The following SBF2 variants were observed in gnomAD, a reference collection of about 807,000 sequenced individuals.
SBF2 encodes SET binding factor 2, also known as myotubularin-related protein 13.
Under a neutral mutation model 225.2 loss-of-function variants are expected in SBF2, and 112 were observed. That is an observed-to-expected ratio of 0.50 (90% confidence interval 0.43 to 0.58). SBF2 has a LOEUF of 0.58. Ranked by LOEUF, SBF2 falls within the 20% of genes least tolerant of loss-of-function variation. The pLI is 0.00. For missense variants in SBF2, 1,996 were observed against 2,206.2 expected, an observed-to-expected ratio of 0.90 and a Z score of 1.91; for synonymous variants, 763 against 773.3, an observed-to-expected ratio of 0.99 and a Z score of 0.22.
intron 22 of SBF2, among the ~76,000 whole-genome samples, chr11:9,848,753 G>GTTCC (rs898973051): frequency 3.9e-5 from 6 of 152,196 alleles, no homozygotes; most frequent in African/African-American, 1.4e-4. Flanking sequence ...GAAGGAGCGG[G>GTTCC]CTAAGACACT....
At chr11:10,186,182 T>C (rs1360752181) in intron 2 of SBF2, among the ~76,000 whole-genome samples, 2 of 152,220 alleles carry the variant, frequency 1.3e-5, no homozygotes, top group South Asian at 4.1e-4. Flanking sequence ...GGGAGAGATA[T>C]ACAGAGTGAG....
chr11:9,823,528 G>T (rs754114425), intron 28 of SBF2, among the ~76,000 whole-genome samples: 7 of 151,404 alleles, frequency 4.6e-5, no homozygotes, highest in East Asian at 1.9e-4. Context: ...AGAAGAAGAA[G>T]AATTAAATGA....
chr11:9,850,226 CA>C lies in SBF2; in HGVS notation c.2611-9del. On this transcript the variant is annotated splice_polypyrimidine_tract_variant and intron_variant, in intron 21 of 39. Coordinates refer to ENST00000256190, the MANE Select transcript of SBF2 (RefSeq NM_030962.4). ...AGGTCTAAGAATCTTGGGCTTACAA[CA>C]GAAAAAGATTGATTGATTGATTGAT... 1.2e-6 allele frequency: 2 copies of C among 1,611,914 alleles called. No homozygotes were observed. Among genetic ancestry groups the C allele is most frequent in the Non-Finnish European group, 1.7e-6 (2 of 1,179,336 alleles).
chr11:9,955,970 T>C (rs1051471434), intron 16 of SBF2, among the ~76,000 whole-genome samples: 1 of 152,144 alleles, frequency 6.6e-6, no homozygotes, highest in South Asian at 2.1e-4. Flanking sequence ...ATCCATATTA[T>C]AGTTGAATTG....
intron 1 of SBF2, among the ~76,000 whole-genome samples, chr11:10,232,941 G>C (rs1283826119): frequency 6.6e-6 from 1 of 152,112 alleles, no homozygotes; most frequent in African/African-American, 2.4e-5. Context: ...TGATAAATTT[G>C]TGCTGTTTCA....
chr11:9,845,348 G>C (rs756327621), intron 24 of SBF2, among the ~76,000 whole-genome samples: 1 of 152,204 alleles, frequency 6.6e-6, no homozygotes, highest in Admixed American at 6.5e-5. Flanking sequence ...CAATGGACAT[G>C]ACAGTCAAAG....
intron 33 of SBF2, chr11:9,791,087 T>C (rs780157409): frequency 1.9e-4 from 34 of 179,936 alleles, no homozygotes; most frequent in Non-Finnish European, 3.3e-4. Flanking sequence ...CTCTTTTAAG[T>C]TGTTGGCTGT....
chr11:9,918,520 A>G (rs1209938836), intron 16 of SBF2, among the ~76,000 whole-genome samples: 1 of 151,738 alleles, frequency 6.6e-6, no homozygotes, highest in Non-Finnish European at 1.5e-5. Flanking sequence ...TGCCTGGCTA[A>G]TTTTTGTATT....
chr11:9,911,122 C>G lies in SBF2; in HGVS notation c.1861-15111G>C, dbSNP rs77486357. Among the ~76,000 whole-genome samples the G allele has an allele frequency of 4.1e-3, 618 of 151,700 alleles. 25 individuals are homozygous for G. In the East Asian group the frequency reaches 0.081, roughly 20 times the overall value. ...GTGGCTCATGCCTGTAATCCCAGAA[C>G]TTTGGGAGGCCGAGTCAGGTGGATC... On this transcript the variant is annotated intron_variant, in intron 16 of 39. Transcript: ENST00000256190.
intron 27 of SBF2, among the ~76,000 whole-genome samples, chr11:9,830,313 C>G (rs1025897103): frequency 1.3e-5 from 2 of 152,200 alleles, no homozygotes; most frequent in African/African-American, 4.8e-5. Context: ...TTTAATATGT[C>G]ATCAATTCTA....
chr11:9,989,893 AC>A (rs1947351978), intron 12 of SBF2, among the ~76,000 whole-genome samples: 1 of 152,170 alleles, frequency 6.6e-6, no homozygotes, highest in African/African-American at 2.4e-5. Flanking sequence ...AGAAATTCAG[AC>A]AGTCAGAAAG....
At chr11:10,296,499 T>C (rs1416686664), upstream of SBF2, among the ~76,000 whole-genome samples, 4 of 152,112 alleles carry the variant, frequency 2.6e-5, no homozygotes, top group African/African-American at 7.2e-5. Context: ...CCCGCCCCCA[T>C]GATTCAATTA....
intron 2 of SBF2, among the ~76,000 whole-genome samples, chr11:10,139,647 A>G (rs11600251): frequency 0.22 from 33,486 of 152,164 alleles, 4,276 homozygotes; most frequent in Non-Finnish European, 0.3. Context: ...TCCCGTATAT[A>G]AGCTCCTGTT....
At chr11:9,996,092 G>C (rs775690426) in intron 9 of SBF2, among the ~76,000 whole-genome samples, 10 of 152,120 alleles carry the variant, frequency 6.6e-5, no homozygotes, top group Admixed American at 2.6e-4. Flanking sequence ...TGGTGGCACG[G>C]GTGTTGCAGG....
chr11:9,851,150 C>CAA lies in SBF2; in HGVS notation c.2611-934_2611-933dup, dbSNP rs748822488. Among the ~76,000 whole-genome samples, 6 of 118,014 alleles carry CAA rather than the reference C, an allele frequency of 5.1e-5. 1 individual carries two copies. The highest frequency in any genetic ancestry group is 1.1e-4 in the Non-Finnish European group (6 of 55,898). 77.4% of individuals were successfully genotyped at this position (118,014 alleles called of 152,430 possible). On this transcript the variant is annotated intron_variant, in intron 21 of 39. Coordinates refer to ENST00000256190, the MANE Select transcript of SBF2 (RefSeq NM_030962.4). ...GACTCCATCTCAAAAAAAAAAAAAA[C>CAA]AACAACAAAAAAAAACCCAGAATAC...
intron 2 of SBF2, among the ~76,000 whole-genome samples, chr11:10,116,725 C>G (rs942965513): frequency 2.6e-5 from 4 of 152,010 alleles, no homozygotes; most frequent in Non-Finnish European, 5.9e-5. Flanking sequence ...TTAAGTAAGT[C>G]TCCATCTTGC....
chr11:10,251,642 C>G (rs931128749), intron 1 of SBF2, among the ~76,000 whole-genome samples: 2 of 152,190 alleles, frequency 1.3e-5, no homozygotes, highest in Non-Finnish European at 2.9e-5. Context: ...AAGGAGCACA[C>G]TCCAAACTCC....
chr11:9,929,037 T>C (rs1864276321), intron 16 of SBF2: 1 of 449,564 alleles, frequency 2.2e-6, no homozygotes, highest in South Asian at 1.8e-5. Flanking sequence ...GCAGTGCTTG[T>C]TCAAGAAGTT....
At chr11:10,297,434 C>T (rs559931546), upstream of SBF2, among the ~76,000 whole-genome samples, 6 of 152,174 alleles carry the variant, frequency 3.9e-5, no homozygotes, top group Non-Finnish European at 8.8e-5. Context: ...TAGTTTGTTT[C>T]TATGCTTTTA....
Sources: allele counts gnomAD v4.1 joint callset (sites outside exome capture counted in the v4.1 genomes callset), GRCh38; gene constraint gnomAD v4.1.1; transcripts MANE v1.5; gene names NCBI Gene and HGNC (gene_info 2026-07-23, HGNC 2026-07-21).